OVCH1: variants seen among roughly 807,000 people sequenced by gnomAD.
The protein encoded by OVCH1 is ovochymase 1.
OVCH1 carries 139 observed loss-of-function variants against 138.4 expected under a neutral mutation model. The ratio of observed to expected loss-of-function variants is 1.00; its 90% confidence interval spans 0.87 to 1.16. The LOEUF is 1.16. Among genes scored for constraint, OVCH1 ranks in the 50% most tolerant of loss-of-function variants. The pLI, the probability that OVCH1 is intolerant of heterozygous loss-of-function variation, is 0.00. For missense variants in OVCH1, 1,367 were observed against 1,357.9 expected (o/e 1.01, Z -0.11); for synonymous variants, 453 against 467.8 (o/e 0.97, Z 0.41).
intron 12 of OVCH1, 56 bp downstream of exon 12, chr12:29,477,046 G>A: frequency 6.8e-7 from 1 of 1,469,686 alleles, no homozygotes; most frequent in East Asian, 2.4e-5. Flanking sequence ...ATTAAGTTCT[G>A]CCTAACTAAC....
At chr12:29,495,653 T>G (rs1464156037) in intron 3 of OVCH1, among the ~76,000 whole-genome samples, 196 bp from the exon 4 acceptor site, 1 of 152,190 alleles carries the variant, frequency 6.6e-6, no homozygotes, top group East Asian at 1.9e-4. Context: ...TTCAGTCATG[T>G]TTCCATTTTT....
rs76799485 is a variant in OVCH1, at chr12:29,461,659, G to A, written c.2280+195C>T. ...CCTTTGTCGCTGTACAGCTGCTTCCGGCCACTCTCTGACATCTCAGCAAAT... is the reference window on the plus strand; with the variant it reads ...CCTTTGTCGCTGTACAGCTGCTTCCAGCCACTCTCTGACATCTCAGCAAAT... On this transcript the variant is annotated intron_variant, in intron 19 of 27. Transcript: ENST00000318184. The A allele has an allele frequency of 8.9e-3, 6,306 of 712,494 alleles. 185 individuals carry two copies. Among genetic ancestry groups the A allele is most frequent in the African/African-American group, 0.08 (4,611 of 57,316 alleles). The allele number at this position is 712,494 out of a possible 1,614,324, so 44.1% of individuals were successfully genotyped here.
intron 3 of OVCH1, among the ~76,000 whole-genome samples, chr12:29,416,276 C>CA (rs1941030138): frequency 6.6e-6 from 1 of 151,218 alleles, no homozygotes; most frequent in Non-Finnish European, 1.5e-5. Flanking sequence ...GACTTGACAC[C>CA]AAAAGGAGAA....
intron 26 of OVCH1, chr12:29,433,828 A>G (rs1375618029): frequency 2.2e-6 from 3 of 1,384,456 alleles, no homozygotes; most frequent in Non-Finnish European, 2.9e-6. Flanking sequence ...AATTAAGTAA[A>G]ATGTTTTTAA....
intron 8 of OVCH1, among the ~76,000 whole-genome samples, chr12:29,485,080 T>C (rs1172809642): frequency 6.6e-6 from 1 of 152,226 alleles, no homozygotes; most frequent in East Asian, 1.9e-4. Context: ...TTCTAGGCTG[T>C]CTTGGGTAAG....
At chr12:29,417,540 A>G (rs942819401) in intron 3 of OVCH1, among the ~76,000 whole-genome samples, 1 of 151,136 alleles carries the variant, frequency 6.6e-6, no homozygotes, top group Non-Finnish European at 1.5e-5. Flanking sequence ...TCTTGATTGT[A>G]TCAATATCCT....
At chr12:29,417,109 T>C (rs1350446710) in intron 3 of OVCH1, among the ~76,000 whole-genome samples, 4 of 152,186 alleles carry the variant, frequency 2.6e-5, no homozygotes, top group Non-Finnish European at 5.9e-5. Context: ...ATTGATTAAA[T>C]ACTCTTGAAA....
At position 29,477,534 on chromosome 12, in the gene OVCH1, C is replaced by G. The variant is rs796131198; in HGVS notation, c.1113+1G>C. 3.1e-6 allele frequency: 5 copies of G among 1,613,882 alleles called. No individual in the cohort carries two copies. Among genetic ancestry groups the G allele is most frequent in the East Asian group, 2.2e-5 (1 of 44,870 alleles). ...ATTACTAAAAAGTGGTGGAAACTTA[C>G]ACGTTTGTTTTGTTTTCCATCGTCT... On this transcript the variant is annotated splice_donor_variant, in intron 10 of 27. Transcript: ENST00000318184. LOFTEE classifies it high-confidence loss of function.
At chr12:29,464,603 T>C (rs1942253014) in exon 18 of OVCH1, 2 of 1,613,560 alleles carry the variant, frequency 1.2e-6, no homozygotes, top group Non-Finnish European at 8.5e-7. Flanking sequence ...ACCACCGAGT[T>C]GTACTCCAGA....
chr12:29,493,886 T>C (rs908956870), intron 4 of OVCH1, among the ~76,000 whole-genome samples: 4 of 152,248 alleles, frequency 2.6e-5, no homozygotes, highest in African/African-American at 9.6e-5. Flanking sequence ...TCGAATTCAT[T>C]AAAACTTTAT....
At chr12:29,480,241 C>T (rs765690088) in intron 8 of OVCH1, among the ~76,000 whole-genome samples, 2 of 152,178 alleles carry the variant, frequency 1.3e-5, no homozygotes, top group African/African-American at 4.8e-5. Context: ...AAGCACTCCA[C>T]ATCCATCATC....
downstream of OVCH1, among the ~76,000 whole-genome samples, chr12:29,426,392 T>A (rs1209470675): frequency 1.3e-5 from 2 of 152,180 alleles, no homozygotes; most frequent in African/African-American, 4.8e-5. Flanking sequence ...CTGATGAGAA[T>A]GATAGAGAAG....
intron 13 of OVCH1, 42 bp from the exon 14 acceptor site, chr12:29,475,231 T>TA: frequency 5.9e-6 from 8 of 1,351,540 alleles, no homozygotes; most frequent in Non-Finnish European, 5.8e-6. Context: ...GTTATATTTT[T>TA]AAAAAATCAG....
chr12:29,486,289 T>G (rs1325885300), exon 8 of OVCH1: 1 of 1,613,880 alleles, frequency 6.2e-7, no homozygotes, highest in Admixed American at 1.7e-5. Context: ...TGGACAGAAC[T>G]CAGGGCCTTT....
intron 1 of OVCH1, 135 bp downstream of exon 1, chr12:29,497,488 C>G: frequency 9.7e-7 from 1 of 1,026,192 alleles, no homozygotes; most frequent in East Asian, 2.7e-5. Context: ...TGCACCACCC[C>G]CTCACCCTTT....
exon 22 of OVCH1, chr12:29,451,386 A>C (rs1269599271): frequency 6.2e-7 from 1 of 1,613,072 alleles, no homozygotes; most frequent in Non-Finnish European, 8.5e-7. Flanking sequence ...ATAAATAATT[A>C]GAACTGAGTC....
intron 21 of OVCH1, among the ~76,000 whole-genome samples, chr12:29,453,354 T>TA (rs1565580784): frequency 3.3e-5 from 5 of 152,278 alleles, no homozygotes; most frequent in African/African-American, 1.2e-4. Context: ...TTTCCTGTCA[T>TA]AATTCTTTCT....
chr12:29,451,316 C>T (rs1371389657), intron 22 of OVCH1, 29 bp downstream of exon 22: 43 of 1,575,380 alleles, frequency 2.7e-5, no homozygotes, highest in Non-Finnish European at 3.6e-5. Context: ...AGACTCCTAG[C>T]ACGAAGTTTA....
At chr12:29,429,628 C>T (rs1183330539) in intron 27 of OVCH1, among the ~76,000 whole-genome samples, 1 of 152,140 alleles carries the variant, frequency 6.6e-6, no homozygotes, top group Non-Finnish European at 1.5e-5. Flanking sequence ...GTTATAAAGT[C>T]TTTAATCATG....
Sources: gnomAD v4.1 joint callset for allele counts (sites outside exome capture counted in the v4.1 genomes callset) on GRCh38, gnomAD v4.1.1 for gene constraint, MANE v1.5 for transcripts, NCBI Gene and HGNC (gene_info 2026-07-23, HGNC 2026-07-21) for gene names.